Variants in MYOCD observed in about 807,000 individuals in gnomAD.
The protein encoded by MYOCD is myocardin.
MYOCD carries 32 observed loss-of-function variants against 96.1 expected under a neutral mutation model. The observed-to-expected ratio is 0.33, with a 90% confidence interval of 0.25 to 0.45. The LOEUF is 0.45. Among genes scored for constraint, MYOCD ranks in the 20% least tolerant of loss-of-function variants. The probability of loss-of-function intolerance (pLI) is 1.00; values close to 1 mark genes in which losing one functional copy is unlikely to be tolerated. For missense variants in MYOCD, 1,133 were observed against 1,200.6 expected (o/e 0.94, Z 0.83); for synonymous variants, 469 against 469.0 (o/e 1.00, Z 0.00).
intron 12 of MYOCD, chr17:12,760,445 T>C (rs1468395089): frequency 5.6e-6 from 3 of 533,062 alleles, no homozygotes; most frequent in Admixed American, 3.1e-5. Context: ...GGTCACACAA[T>C]TGTGTGAATG....
chr17:12,724,957 T>C (rs2031953730), intron 5 of MYOCD, among the ~76,000 whole-genome samples: 1 of 152,108 alleles, frequency 6.6e-6, no homozygotes, highest in African/African-American at 2.4e-5. Flanking sequence ...TATATGTTAA[T>C]TTATGGTGAA....
chr17:12,754,061 G>GGTGTGTGTGTGTGTGT lies in MYOCD; in HGVS notation c.2058+729_2058+730insGTGTGTGTGTGTGTGT, dbSNP rs71144923. On this transcript the variant is annotated intron_variant, in intron 10 of 13. Transcript: ENST00000425538. ...ACATCTTATGGAGAAAAAGCAAAGA[G>GGTGTGTGTGTGTGTGT]GTGTGTGTGTGTGTATGTGTGTGTG... Among the ~76,000 whole-genome samples the GGTGTGTGTGTGTGTGT allele has an allele frequency of 5.9e-4, 88 of 149,592 alleles. 1 individual carries two copies. Among genetic ancestry groups the GGTGTGTGTGTGTGTGT allele is most frequent in the Middle Eastern group, 3.4e-3 (1 of 292 alleles).
At chr17:12,762,764 C>A in intron 13 of MYOCD, 1 of 269,452 alleles carries the variant, frequency 3.7e-6, no homozygotes, top group South Asian at 1.2e-4. Context: ...CATCTTCAGG[C>A]CCTCACTGAT....
rs2032602425 is a variant in MYOCD, at chr17:12,744,395, A to G, written c.930A>G (p.Gln310=). Residue 310 remains glutamine (Q), a synonymous_variant, in exon 8 of 14, where the codon CAA becomes CAG. Transcript: ENST00000425538. ...TCAGCCAGCAGCAGCAGCAGCAGCAACACCGATTCAGCTACCTAGGGATGC... is the reference window on the plus strand; with the variant it reads ...TCAGCCAGCAGCAGCAGCAGCAGCAGCACCGATTCAGCTACCTAGGGATGC... The part of the protein sequence containing the change: ...QILSQQQQQQ[Q]HRFSYLGMHQ... 1.2e-6 allele frequency: 2 copies of G among 1,613,758 alleles called. No individual in the cohort carries two copies. Among genetic ancestry groups the G allele is most frequent in the East Asian group, 2.2e-5 (1 of 44,852 alleles).
chr17:12,684,301 G>T (rs938327097), intron 1 of MYOCD, among the ~76,000 whole-genome samples: 9 of 152,074 alleles, frequency 5.9e-5, no homozygotes, highest in Non-Finnish European at 2.9e-5. Flanking sequence ...CTCCTAAAAT[G>T]TCAATGTTAC....
chr17:12,766,034 A>G lies in MYOCD; in HGVS notation c.*2390A>G, dbSNP rs1482772095. The G allele has an allele frequency of 6.6e-6, 1 of 152,196 alleles. No individual in the cohort carries two copies. Among genetic ancestry groups the G allele is most frequent in the Non-Finnish European group, 1.5e-5 (1 of 68,038 alleles). 9.4% of individuals were successfully genotyped at this position (152,196 alleles called of 1,614,324 possible). On this transcript the variant is annotated 3_prime_UTR_variant, in exon 14 of 14. Transcript: ENST00000425538. ...TCCTTTGAAGATGAAGCTACTGGGGAAGAAAACCTTATTAATACACTCCAC... is the reference window on the plus strand; with the variant it reads ...TCCTTTGAAGATGAAGCTACTGGGGGAGAAAACCTTATTAATACACTCCAC...
chr17:12,709,997 T>C (rs1467487400), intron 2 of MYOCD, among the ~76,000 whole-genome samples: 2 of 152,272 alleles, frequency 1.3e-5, no homozygotes, highest in East Asian at 3.9e-4. Flanking sequence ...TTTCAGTAAA[T>C]CTTTATTAAT....
In MYOCD at chr17:12,715,584, G is replaced by C; in HGVS notation, c.177+10G>C. 1 of 1,611,942 alleles carries C rather than the reference G, an allele frequency of 6.2e-7. No individual in the cohort carries two copies. Among genetic ancestry groups the C allele is most frequent in the East Asian group, 2.2e-5 (1 of 44,818 alleles). On this transcript the variant is annotated intron_variant, in intron 3 of 13. Coordinates refer to ENST00000425538, the MANE Select transcript of MYOCD (RefSeq NM_001146312.3). ...TTTGGATAGTGACAAGGTAATTTTT[G>C]CAAATTTCTTGACCCAAGCTTAGAC... is the stretch of plus-strand genomic sequence containing the variant.
rs1049894435 is a variant in MYOCD at position 12,765,035 on chromosome 17, A to G, written c.*1391A>G. ...TACATTGTAAAGACAAATATGGATGATATTTACAAGAGAGAATTTCAGATC... is the reference window on the plus strand; with the variant it reads ...TACATTGTAAAGACAAATATGGATGGTATTTACAAGAGAGAATTTCAGATC... On this transcript the variant is annotated 3_prime_UTR_variant, in exon 14 of 14. Coordinates refer to ENST00000425538, the MANE Select transcript of MYOCD (RefSeq NM_001146312.3). 1 of 152,218 alleles carries G rather than the reference A, an allele frequency of 6.6e-6. No individual in the cohort carries two copies. Among genetic ancestry groups the G allele is most frequent in the Non-Finnish European group, 1.5e-5 (1 of 68,050 alleles). The allele number at this position is 152,218 out of a possible 1,614,324, so 9.4% of individuals were successfully genotyped here.
At chr17:12,754,730 A>G (rs1379747477) in intron 10 of MYOCD, among the ~76,000 whole-genome samples, 5 of 152,248 alleles carry the variant, frequency 3.3e-5, no homozygotes, top group Non-Finnish European at 2.9e-5. Context: ...GAAAGGTTAC[A>G]TTATCAAAAG....
intron 1 of MYOCD, among the ~76,000 whole-genome samples, chr17:12,701,155 A>T (rs1011760057): frequency 6.6e-6 from 1 of 152,036 alleles, no homozygotes; most frequent in Non-Finnish European, 1.5e-5. Flanking sequence ...CTCTACCTTT[A>T]TAATCAGTCA....
chr17:12,684,845 CAA>C (rs1190970523), intron 1 of MYOCD, among the ~76,000 whole-genome samples: 27 of 66,230 alleles, frequency 4.1e-4, no homozygotes, highest in East Asian at 4.7e-4. Flanking sequence ...GAATTCGTCT[CAA>C]AAAAAAAAAA....
At chr17:12,695,655 A>C (rs1044007859) in intron 1 of MYOCD, among the ~76,000 whole-genome samples, 4 of 152,230 alleles carry the variant, frequency 2.6e-5, no homozygotes, top group African/African-American at 9.6e-5. Flanking sequence ...CTTTGCGATT[A>C]GTGTTAATAG....
Position 12,717,384 on chromosome 17 carries a change from C to T in MYOCD, c.216C>T (p.Cys72=), listed in dbSNP as rs2031680109. ...NSLKRKARNR[C]NSADLVNMHI... ...TGAAGCGCAAAGCCAGAAACAGGTGCAACAGTGCCGACTTGGTTAATATGC... is the reference window on the plus strand; with the variant it reads ...TGAAGCGCAAAGCCAGAAACAGGTGTAACAGTGCCGACTTGGTTAATATGC... The change falls in exon 4 of 14, where the codon TGC becomes TGT. Residue 72 remains cysteine (C), a synonymous_variant. Coordinates refer to ENST00000425538, the MANE Select transcript of MYOCD (RefSeq NM_001146312.3). 1 of 1,613,912 alleles carries T rather than the reference C, an allele frequency of 6.2e-7. No homozygotes were observed. Among genetic ancestry groups the T allele is most frequent in the Non-Finnish European group, 8.5e-7 (1 of 1,179,968 alleles).
chr17:12,666,477 C>A (rs1294160676), intron 1 of MYOCD, among the ~76,000 whole-genome samples: 2 of 152,228 alleles, frequency 1.3e-5, no homozygotes, highest in East Asian at 3.9e-4. Context: ...AAGGCCAATC[C>A]TTTTATTTTA....
chr17:12,757,985 G>C (rs1487658834), intron 11 of MYOCD, 100 bp from the exon 12 acceptor site: 4 of 882,678 alleles, frequency 4.5e-6, no homozygotes, highest in Non-Finnish European at 7.4e-6. Flanking sequence ...TTTCCTCTTA[G>C]ATCAATTTTT....
At chr17:12,749,143 TTTTTTA>T (rs1370789214) in intron 9 of MYOCD, among the ~76,000 whole-genome samples, 1 of 152,226 alleles carries the variant, frequency 6.6e-6, no homozygotes, top group Non-Finnish European at 1.5e-5. Flanking sequence ...ATTCAATAAA[TTTTTTA>T]TTTTTAATAG....
Position 12,756,570 on chromosome 17 carries a change from A to C in MYOCD, c.2202+13A>C, listed in dbSNP as rs751073096. ...TGTACAGCAAAAGGTAGGCACCTGA[A>C]AAAAGGCCTCAACCTGGGATTCACT... On this transcript the variant is annotated intron_variant, in intron 11 of 13. Coordinates refer to ENST00000425538, the MANE Select transcript of MYOCD (RefSeq NM_001146312.3). 6.5e-7 allele frequency: 1 copy of C among 1,547,352 alleles called. No individual in the cohort carries two copies.
chr17:12,725,766 G>A (rs527298544), intron 5 of MYOCD, among the ~76,000 whole-genome samples: 76 of 151,310 alleles, frequency 5.0e-4, no homozygotes, highest in African/African-American at 1.6e-3. Context: ...CTCTTAAATC[G>A]GATTTTTCTA....
Sources: allele counts gnomAD v4.1 joint callset (sites outside exome capture counted in the v4.1 genomes callset), GRCh38; gene constraint gnomAD v4.1.1; transcripts MANE v1.5; gene names NCBI Gene and HGNC (gene_info 2026-07-23, HGNC 2026-07-21).